The following C19orf38 variants were observed in gnomAD, a reference collection of about 807,000 sequenced individuals.
C19orf38 encodes the protein chromosome 19 open reading frame 38, also known as protein HIDE1.
Under a neutral mutation model 26.6 loss-of-function variants are expected in C19orf38, and 14 were observed. That is an observed-to-expected ratio of 0.53 (90% CI 0.35 to 0.82). C19orf38 has a LOEUF of 0.82. C19orf38 is among the 40% of genes least tolerant of loss of function. C19orf38 has a pLI of 0.01. For missense variants in C19orf38, 261 were observed against 299.5 expected (o/e 0.87, Z 0.95); for synonymous variants, 132 against 128.5 (o/e 1.03, Z -0.18).
intron 4 of C19orf38, among the ~76,000 whole-genome samples, chr19:10,858,786 G>A (rs1328963877): frequency 1.3e-5 from 2 of 152,040 alleles, no homozygotes; most frequent in African/African-American, 4.8e-5. Flanking sequence ...CAGGTTCCTG[G>A]GCACCAGGAT....
intron 2 of C19orf38, among the ~76,000 whole-genome samples, chr19:10,851,084 T>C (rs1332480945): frequency 1.3e-5 from 2 of 152,230 alleles, no homozygotes; most frequent in Non-Finnish European, 2.9e-5. Context: ...GAGATAGTTA[T>C]GCTCTTGTTG....
chr19:10,865,195 A>G (rs933714652), intron 6 of C19orf38, among the ~76,000 whole-genome samples: 1 of 152,100 alleles, frequency 6.6e-6, no homozygotes, highest in Admixed American at 6.6e-5. Context: ...TCTGTCACCC[A>G]GGCTGGAGTG....
chr19:10,869,100 G>T, intron 6 of C19orf38, 118 bp from the exon 7 acceptor site: 1 of 1,321,164 alleles, frequency 7.6e-7, no homozygotes, highest in Non-Finnish European at 1.1e-6. Flanking sequence ...GTGTGGGTGG[G>T]GGCGGGATGA....
At chr19:10,848,214 GA>G (rs2073533696), upstream of C19orf38, among the ~76,000 whole-genome samples, 1 of 151,204 alleles carries the variant, frequency 6.6e-6, no homozygotes, top group Non-Finnish European at 1.5e-5. Flanking sequence ...AAAAAAAGAG[GA>G]AAAAATTGTG....
At chr19:10,855,030 C>A (rs963459884) in intron 2 of C19orf38, among the ~76,000 whole-genome samples, 23 of 77,756 alleles carry the variant, frequency 3.0e-4, no homozygotes, top group African/African-American at 1.1e-3. Context: ...GATATATATT[C>A]TTTTTTTTTT....
At chr19:10,864,099 C>T (rs985000307) in intron 6 of C19orf38, among the ~76,000 whole-genome samples, 7 of 151,952 alleles carry the variant, frequency 4.6e-5, no homozygotes, top group South Asian at 2.1e-4. Context: ...CTAGCTCTGT[C>T]GCCCAGGCTG....
intron 1 of C19orf38, among the ~76,000 whole-genome samples, chr19:10,841,477 T>A (rs2073477270): frequency 6.6e-6 from 1 of 151,382 alleles, no homozygotes; most frequent in Non-Finnish European, 1.5e-5. Context: ...TGAGACCCTG[T>A]CTCATAAACA....
chr19:10,849,382 C>G (rs1029941421), intron 1 of C19orf38, among the ~76,000 whole-genome samples: 55 of 152,092 alleles, frequency 3.6e-4, no homozygotes, highest in Admixed American at 1.3e-4. Flanking sequence ...CTATGCTGTT[C>G]CCTCTGTTGG....
At chr19:10,842,246 C>A in intron 1 of C19orf38, 27 of 1,129,894 alleles carry the variant, frequency 2.4e-5, no homozygotes, top group South Asian at 6.4e-5. Flanking sequence ...TCTTGGAAAA[C>A]ATAATTTGAA....
At chr19:10,849,835 G>A (rs535602888) in intron 1 of C19orf38, among the ~76,000 whole-genome samples, 2 of 151,920 alleles carry the variant, frequency 1.3e-5, no homozygotes, top group Admixed American at 1.3e-4. Context: ...AGGCCGAGGT[G>A]GGGGGAGTCA....
chr19:10,863,676 C>T (rs575625289), intron 6 of C19orf38, among the ~76,000 whole-genome samples: 1 of 139,290 alleles, frequency 7.2e-6, no homozygotes, highest in South Asian at 2.3e-4. Context: ...AATCCCAGCA[C>T]TTTGGAAGGC....
At chr19:10,859,999 T>G in intron 5 of C19orf38, 41 bp downstream of exon 5, 1 of 1,528,804 alleles carries the variant, frequency 6.5e-7, no homozygotes, top group African/African-American at 1.4e-5. Context: ...GGGAAAGGAT[T>G]ACACCTCCAA....
intron 1 of C19orf38, among the ~76,000 whole-genome samples, chr19:10,838,592 T>G (rs535058722): frequency 6.6e-6 from 1 of 152,072 alleles, no homozygotes; most frequent in East Asian, 1.9e-4. Context: ...CCGGGGTCGT[T>G]GTCTCACAGC....
intron 3 of C19orf38, 124 bp downstream of exon 3, chr19:10,856,481 C>T (rs1403105284): frequency 3.5e-6 from 2 of 576,218 alleles, no homozygotes; most frequent in Non-Finnish European, 5.8e-6. Context: ...CATCACACCC[C>T]TTTTAAAAGT....
At position 10,869,692 on chromosome 19, in the gene C19orf38, T is replaced by G; in HGVS notation, c.*325T>G. 8 of 282,358 alleles carry G rather than the reference T, an allele frequency of 2.8e-5. No individual in the cohort carries two copies. The highest frequency in any genetic ancestry group is 8.0e-5 in the East Asian group (1 of 12,442). The allele number at this position is 282,358 out of a possible 1,614,324, so 17.5% of individuals were successfully genotyped here. A position where few individuals can be genotyped will look rare whatever the true frequency, so the allele number is the denominator to read the frequency against. ...TCTGCACACCCGTGGAATTCCTCCCTTCCCCAGTGGGTTTTTGAGCATAGG... is the reference window on the plus strand; with the variant it reads ...TCTGCACACCCGTGGAATTCCTCCCGTCCCCAGTGGGTTTTTGAGCATAGG... On this transcript the variant is annotated 3_prime_UTR_variant, in exon 7 of 7. Transcript: ENST00000397820.
intron 4 of C19orf38, among the ~76,000 whole-genome samples, chr19:10,858,752 CCAATTGCA>C (rs1255707752): frequency 6.6e-6 from 1 of 151,978 alleles, no homozygotes; most frequent in Non-Finnish European, 1.5e-5. Flanking sequence ...TGTGCAGTGC[CCAATTGCA>C]CTGTAGGTGA....
rs1434980314 is a variant in C19orf38 at position 10,869,262 on chromosome 19, A to G, written c.588A>G (p.Ser196=). 1 of 1,551,662 alleles carries G rather than the reference A, an allele frequency of 6.4e-7. No individual in the cohort carries two copies. The change falls in exon 7 of 7, where the codon TCA becomes TCG. Residue 196 remains serine, a synonymous_variant. Transcript: ENST00000397820. ...ACCCGGCCACCTTGGATGATCACTCAGGCACCACTGCCACCCCCAGCAACT... is the reference window on the plus strand; with the variant it reads ...ACCCGGCCACCTTGGATGATCACTCGGGCACCACTGCCACCCCCAGCAACT... The part of the protein sequence containing the change: ...EEDPATLDDH[S]GTTATPSNSR...
chr19:10,842,110 C>T, intron 1 of C19orf38: 1 of 1,579,496 alleles, frequency 6.3e-7, no homozygotes, highest in East Asian at 2.2e-5. Context: ...GGTAATGCTG[C>T]TGTATCCTCA....
intron 5 of C19orf38, 48 bp from the exon 6 acceptor site, chr19:10,863,122 G>T (rs972156511): frequency 7.8e-6 from 12 of 1,533,830 alleles, no homozygotes; most frequent in African/African-American, 2.8e-5. Context: ...GAGCAGGGAA[G>T]TTACAACTGG....
Sources: allele counts gnomAD v4.1 joint callset (sites outside exome capture counted in the v4.1 genomes callset), GRCh38; gene constraint gnomAD v4.1.1; transcripts MANE v1.5; gene names NCBI Gene and HGNC (gene_info 2026-07-23, HGNC 2026-07-21).